MACO1: variants seen among roughly 807,000 people sequenced by gnomAD.
MACO1 encodes the protein macoilin.
MACO1 carries 14 observed loss-of-function variants against 78.7 expected under a neutral mutation model. The ratio of observed to expected loss-of-function variants is 0.18; its 90% CI spans 0.12 to 0.28. The LOEUF (loss-of-function observed/expected upper bound fraction) is 0.28. Among genes scored for constraint, MACO1 ranks in the 10% least tolerant of loss-of-function variants. The pLI is 1.00. For missense variants in MACO1, 501 were observed against 799.0 expected, an observed-to-expected ratio of 0.63 and a Z score of 4.50; for synonymous variants, 288 against 291.6, an observed-to-expected ratio of 0.99 and a Z score of 0.12.
chr1:25,471,061 G>A lies in MACO1; in HGVS notation c.1154+12169G>A, dbSNP rs185942825. ...ATTAAAAATATATATGGGTAGGGCC[G>A]GGTACGGTGGCTCACACCTGTAATC... On this transcript the variant is annotated intron_variant, in intron 6 of 10. Transcript: ENST00000374343. 5.3e-3 allele frequency among the ~76,000 whole-genome samples: 806 copies of A among 151,576 alleles called. 6 individuals are homozygous for A. Among genetic ancestry groups the A allele is most frequent in the African/African-American group, 0.018 (745 of 41,326 alleles).
At chr1:25,463,733 A>C (rs1458587835) in intron 6 of MACO1, among the ~76,000 whole-genome samples, 1 of 152,262 alleles carries the variant, frequency 6.6e-6, no homozygotes, top group African/African-American at 2.4e-5. Flanking sequence ...ATAAAGGAAG[A>C]GAAAATAGTC....
At chr1:25,432,589 C>T (rs1256053318) in intron 1 of MACO1, among the ~76,000 whole-genome samples, 1 of 152,190 alleles carries the variant, frequency 6.6e-6, no homozygotes, top group African/African-American at 2.4e-5. Context: ...TTTTTCTACA[C>T]ATAGATGGAG....
intron 6 of MACO1, among the ~76,000 whole-genome samples, chr1:25,471,441 G>A (rs2043270538): frequency 6.6e-6 from 1 of 152,094 alleles, no homozygotes; most frequent in Non-Finnish European, 1.5e-5. Context: ...ATTGTAGTTG[G>A]CTGCCAGAGA....
intron 5 of MACO1, 124 bp downstream of exon 5, chr1:25,456,955 C>T (rs1332288661): frequency 1.1e-6 from 1 of 939,356 alleles, no homozygotes; most frequent in Non-Finnish European, 1.5e-6. Flanking sequence ...TGTTCCTCCT[C>T]AGGGTCATTG....
intron 6 of MACO1, among the ~76,000 whole-genome samples, chr1:25,474,703 T>C (rs147628570): frequency 6.6e-6 from 1 of 152,348 alleles, no homozygotes; most frequent in Non-Finnish European, 1.5e-5. Context: ...ACTCCATCTG[T>C]GTCTAGGACT....
At chr1:25,431,209 C>T (rs748354386) in intron 1 of MACO1, 31 bp downstream of exon 1, 4 of 1,550,992 alleles carry the variant, frequency 2.6e-6, no homozygotes, top group East Asian at 4.9e-5. Context: ...TCCGCGGGCG[C>T]GGGCCCTGCG....
intron 8 of MACO1, among the ~76,000 whole-genome samples, chr1:25,487,613 A>T (rs1330107301): frequency 6.6e-6 from 1 of 151,898 alleles, no homozygotes; most frequent in Non-Finnish European, 1.5e-5. Flanking sequence ...GCTCAACCTT[A>T]TGATAGCCCT....
intron 3 of MACO1, among the ~76,000 whole-genome samples, chr1:25,452,702 T>G (rs1033984176): frequency 6.6e-6 from 1 of 151,570 alleles, no homozygotes; most frequent in Non-Finnish European, 1.5e-5. Flanking sequence ...TGAATTGTTT[T>G]TTTTTTTTTT....
chr1:25,458,554 C>T lies in MACO1; in HGVS notation c.816C>T (p.Asn272=). Residue 272 remains asparagine, a synonymous_variant, in exon 6 of 11, where the codon AAC becomes AAT. Transcript: ENST00000374343. ...DAKKHNLGIN[N]NNILQPVDSK... is the part of the protein sequence containing the mutation. ...AAAAACACAACCTTGGAATAAATAACAACAATATTCTACAACCTGTAGACT... is the reference window on the plus strand; with the variant it reads ...AAAAACACAACCTTGGAATAAATAATAACAATATTCTACAACCTGTAGACT... 1 of 1,613,166 alleles carries T rather than the reference C, an allele frequency of 6.2e-7. No individual in the cohort carries two copies.
intron 6 of MACO1, among the ~76,000 whole-genome samples, chr1:25,479,186 T>G (rs1165545112): frequency 6.6e-6 from 1 of 152,216 alleles, no homozygotes; most frequent in Non-Finnish European, 1.5e-5. Flanking sequence ...AATGACATTT[T>G]AATAAAATCA....
Position 25,451,367 on chromosome 1 carries a change from G to A in MACO1, c.349+2433G>A, listed in dbSNP as rs370866040. On this transcript the variant is annotated intron_variant, in intron 3 of 10. Coordinates refer to ENST00000374343, the MANE Select transcript of MACO1 (RefSeq NM_018202.6). ...AAAAAAACAGGATATAAAACTGTAC[G>A]TACAATATGATTATTATACTTGCTC... Among the ~76,000 whole-genome samples, 531 of 152,106 alleles carry A rather than the reference G, an allele frequency of 3.5e-3. 1 individual carries two copies. The highest frequency in any genetic ancestry group is 0.031 in the Middle Eastern group (9 of 292).
intron 1 of MACO1, among the ~76,000 whole-genome samples, 190 bp from the exon 2 acceptor site, chr1:25,446,572 C>T (rs2043017027): frequency 6.6e-6 from 1 of 152,066 alleles, no homozygotes; most frequent in Non-Finnish European, 1.5e-5. Flanking sequence ...AGTTTTGGGT[C>T]TGAGAATGAA....
intron 9 of MACO1, 103 bp from the exon 10 acceptor site, chr1:25,491,307 G>T (rs140046296): frequency 1.1e-5 from 17 of 1,505,648 alleles, no homozygotes; most frequent in Non-Finnish European, 1.4e-5. Context: ...TGTTCTAGTG[G>T]CCAGACCAAG....
chr1:25,452,616 A>T (rs2043076925), intron 3 of MACO1, among the ~76,000 whole-genome samples: 1 of 152,102 alleles, frequency 6.6e-6, no homozygotes, highest in Non-Finnish European at 1.5e-5. Flanking sequence ...ATTTCATTAT[A>T]TAGATTTATC....
intron 6 of MACO1, among the ~76,000 whole-genome samples, chr1:25,461,579 C>T (rs892839821): frequency 6.6e-6 from 1 of 151,422 alleles, no homozygotes; most frequent in Non-Finnish European, 1.5e-5. Flanking sequence ...TTCCTTCCCC[C>T]CCCTCAAAAA....
chr1:25,484,350 C>G, intron 7 of MACO1, 76 bp downstream of exon 7: 2 of 1,455,010 alleles, frequency 1.4e-6, no homozygotes. Flanking sequence ...GGTTGGAGCA[C>G]AAGATTTATG....
chr1:25,456,900 T>C, intron 5 of MACO1, 69 bp downstream of exon 5: 1 of 1,494,946 alleles, frequency 6.7e-7, no homozygotes, highest in Non-Finnish European at 8.9e-7. Context: ...TAGAATTTTC[T>C]TTTCTGGAAA....
At chr1:25,450,648 G>A (rs1295328198) in intron 3 of MACO1, among the ~76,000 whole-genome samples, 1 of 152,178 alleles carries the variant, frequency 6.6e-6, no homozygotes, top group African/African-American at 2.4e-5. Context: ...TAAAGTATCT[G>A]CTATGAGCAT....
chr1:25,460,217 C>T (rs2043158814), intron 6 of MACO1, among the ~76,000 whole-genome samples: 1 of 152,252 alleles, frequency 6.6e-6, no homozygotes, highest in East Asian at 1.9e-4. Context: ...GCATCCATAT[C>T]CATTTGTTAG....
Sources: allele counts gnomAD v4.1 joint callset (sites outside exome capture counted in the v4.1 genomes callset), GRCh38; gene constraint gnomAD v4.1.1; transcripts MANE v1.5; gene names NCBI Gene and HGNC (gene_info 2026-07-23, HGNC 2026-07-21).